The following PIN4 variants were observed in gnomAD, a reference collection of about 807,000 sequenced individuals.
The protein encoded by PIN4 is peptidyl-prolyl cis-trans isomerase NIMA-interacting 4.
In PIN4, 3 loss-of-function variants were observed where a neutral mutation model predicts 8.3. The ratio of observed to expected loss-of-function variants is 0.36; its 90% CI spans 0.16 to 0.93. The LOEUF (loss-of-function observed/expected upper bound fraction) is 0.93. Ranked by LOEUF, PIN4 falls within the 40% of genes least tolerant of loss-of-function variation. PIN4 has a pLI of 0.44. For synonymous variants in PIN4, 18 were observed against 32.5 expected (o/e 0.55, Z 1.52); for missense variants, 75 against 100.6 (o/e 0.75, Z 1.09).
chrX:72,211,190 G>A (rs1296869210), intron 3 of PIN4, among the ~76,000 whole-genome samples: 1 of 111,115 alleles, frequency 9.0e-6, no homozygotes, highest in Non-Finnish European at 1.9e-5. Context: ...TAATGATCTG[G>A]ATAACTTAGC....
chrX:72,191,788 T>C (rs2042735351), intron 2 of PIN4, among the ~76,000 whole-genome samples: 1 of 111,944 alleles, frequency 8.9e-6, no homozygotes, highest in Non-Finnish European at 1.9e-5. Context: ...CCTTTTTTCC[T>C]TTAAGGCTAA....
intron 2 of PIN4, among the ~76,000 whole-genome samples, chrX:72,196,346 C>T (rs910061499): frequency 1.8e-5 from 2 of 110,606 alleles, no homozygotes; most frequent in African/African-American, 6.6e-5. Context: ...CCAGCCTGGC[C>T]AACATGGAGA....
intron 3 of PIN4, chrX:72,207,614 C>T (rs762887752): frequency 4.1e-6 from 5 of 1,211,113 alleles, no homozygotes; most frequent in Non-Finnish European, 5.6e-6. Context: ...TCTAAAGACA[C>T]AAATTTCCTG....
intron 2 of PIN4, among the ~76,000 whole-genome samples, chrX:72,194,170 CG>C (rs2042751495): frequency 9.0e-6 from 1 of 110,638 alleles, no homozygotes; most frequent in Non-Finnish European, 1.9e-5. Context: ...GAGGTCAAGG[CG>C]GGTGGATCAC....
At chrX:72,233,229 A>C (rs533493635) in intron 3 of PIN4, among the ~76,000 whole-genome samples, 2 of 111,973 alleles carry the variant, frequency 1.8e-5, no homozygotes, top group African/African-American at 6.5e-5. Flanking sequence ...AAAATATTGA[A>C]GCTTAATCTT....
chrX:72,255,096 G>A (rs1158585348), intron 3 of PIN4, among the ~76,000 whole-genome samples: 1 of 108,648 alleles, frequency 9.2e-6, no homozygotes, highest in Non-Finnish European at 1.9e-5. Flanking sequence ...GCGGGTGGGG[G>A]CAGAGCCGCA....
At chrX:72,256,531 C>T (rs1162282196) in intron 3 of PIN4, among the ~76,000 whole-genome samples, 1 of 111,607 alleles carries the variant, frequency 9.0e-6, no homozygotes, top group African/African-American at 3.3e-5. Flanking sequence ...CTGCTTTACT[C>T]AGTTTACCAA....
intron 3 of PIN4, among the ~76,000 whole-genome samples, chrX:72,203,789 A>G (rs2042801281): frequency 8.9e-6 from 1 of 111,928 alleles, no homozygotes; most frequent in African/African-American, 3.2e-5. Context: ...GATTATGGTA[A>G]GGCTGAAATG....
At chrX:72,251,201 CA>C (rs982488875) in intron 3 of PIN4, among the ~76,000 whole-genome samples, 60 of 92,605 alleles carry the variant, frequency 6.5e-4, no homozygotes, top group Non-Finnish European at 4.7e-4. Flanking sequence ...ACTAAAAATA[CA>C]AAAAAAAAAA....
chrX:72,185,147 CAAAAAAAA>C (rs746215043), intron 1 of PIN4, among the ~76,000 whole-genome samples: 1 of 24,449 alleles, frequency 4.1e-5, no homozygotes, highest in African/African-American at 1.2e-4. Context: ...GACTCCGTCT[CAAAAAAAA>C]AAAAAAAAAA....
At chrX:72,192,343 C>A (rs995815650) in intron 2 of PIN4, among the ~76,000 whole-genome samples, 1 of 111,839 alleles carries the variant, frequency 8.9e-6, no homozygotes, top group Admixed American at 9.5e-5. Flanking sequence ...GAATTACCCT[C>A]CCACTTGACA....
At chrX:72,188,362 T>TA (rs1424007753) in intron 2 of PIN4, among the ~76,000 whole-genome samples, 1 of 111,783 alleles carries the variant, frequency 8.9e-6, no homozygotes, top group Non-Finnish European at 1.9e-5. Flanking sequence ...TACTTTTTTT[T>TA]ATTTTTTTTT....
intron 2 of PIN4, among the ~76,000 whole-genome samples, chrX:72,195,312 T>C (rs1450954084): frequency 9.0e-6 from 1 of 111,657 alleles, no homozygotes; most frequent in Non-Finnish European, 1.9e-5. Flanking sequence ...AGTGTGGAAT[T>C]GTGGGGAGGC....
intron 3 of PIN4, among the ~76,000 whole-genome samples, chrX:72,242,712 A>T (rs1465240003): frequency 4.4e-5 from 5 of 112,610 alleles, no homozygotes; most frequent in African/African-American, 1.6e-4. Context: ...TCTCAAGGGA[A>T]TGGGGTTTAT....
Position 72,197,539 on chromosome X carries a change from G to A in PIN4, c.*13G>A. 2 of 1,177,909 alleles carry A rather than the reference G, an allele frequency of 1.7e-6. No individual in the cohort carries two copies. The highest frequency in any genetic ancestry group is 2.3e-6 in the Non-Finnish European group (2 of 867,023). ...AGGAAGAAAATAAAATCATATGAAA[G>A]ACTGAATAAGTTTTATACATTTTGT... On this transcript the variant is annotated 3_prime_UTR_variant, in exon 4 of 4. Coordinates refer to ENST00000373669, the MANE Select transcript of PIN4 (RefSeq NM_006223.4).
At chrX:72,219,492 T>C (rs2042908693) in intron 3 of PIN4, among the ~76,000 whole-genome samples, 1 of 108,346 alleles carries the variant, frequency 9.2e-6, no homozygotes, top group Non-Finnish European at 1.9e-5. Context: ...AGATGGAGGT[T>C]GCAGTAAGCC....
chrX:72,205,078 T>C, intron 3 of PIN4: 1 of 1,211,106 alleles, frequency 8.3e-7, no homozygotes, highest in East Asian at 3.0e-5. Context: ...ATCTGCACTT[T>C]TTATGTCAAG....
At chrX:72,239,076 C>T (rs1406034282) in intron 3 of PIN4, 26 of 492,102 alleles carry the variant, frequency 5.3e-5, no homozygotes, top group Non-Finnish European at 8.5e-5. Context: ...GCCTCGCGGC[C>T]GGCCAATCCG....
chrX:72,197,961 A>G lies in PIN4; in HGVS notation c.*435A>G, dbSNP rs1233998408. ...AGTTCCTAGACAACATTTGTTTTAC[A>G]TGTTAGTCAACTCTGATCTTCCAGG... On this transcript the variant is annotated 3_prime_UTR_variant, in exon 4 of 4. Coordinates refer to ENST00000373669, the MANE Select transcript of PIN4 (RefSeq NM_006223.4). 5.3e-6 allele frequency: 4 copies of G among 756,241 alleles called. No individual in the cohort carries two copies. In the East Asian group the frequency reaches 5.7e-4, roughly 107 times the overall value. 62.3% of individuals were successfully genotyped at this position (756,241 alleles called of 1,213,427 possible). A position where few individuals can be genotyped will look rare whatever the true frequency, so the allele number is the denominator to read the frequency against.
Sources: gnomAD v4.1 joint callset for allele counts (sites outside exome capture counted in the v4.1 genomes callset) on GRCh38, gnomAD v4.1.1 for gene constraint, MANE v1.5 for transcripts, NCBI Gene and HGNC (gene_info 2026-07-23, HGNC 2026-07-21) for gene names.